KCNAB1: variants seen among roughly 807,000 people sequenced by gnomAD.
KCNAB1 encodes the protein potassium voltage-gated channel subfamily A regulatory beta subunit 1.
A neutral mutation model predicts 64.6 loss-of-function variants in KCNAB1; 35 were observed. That is an observed-to-expected ratio of 0.54 (90% CI 0.41 to 0.72). KCNAB1 has a LOEUF of 0.72. Ranked by LOEUF, KCNAB1 falls within the 30% of genes least tolerant of loss-of-function variation. The pLI is 0.00. For missense variants in KCNAB1, 401 were observed against 512.9 expected (o/e 0.78, Z 2.11); for synonymous variants, 177 against 183.8 (o/e 0.96, Z 0.30).
At chr3:156,145,085 C>T (rs533405723) in intron 1 of KCNAB1, among the ~76,000 whole-genome samples, 14 of 152,222 alleles carry the variant, frequency 9.2e-5, no homozygotes, top group South Asian at 2.1e-4. Context: ...AGGTTTTGGG[C>T]GACTCTTCAT....
At chr3:156,396,597 C>A (rs571851152) in intron 1 of KCNAB1, among the ~76,000 whole-genome samples, 4 of 152,156 alleles carry the variant, frequency 2.6e-5, no homozygotes, top group Non-Finnish European at 5.9e-5. Flanking sequence ...AATTACTGGA[C>A]CCAAAGAACA....
At chr3:156,134,772 CA>C (rs1239297039) in intron 1 of KCNAB1, among the ~76,000 whole-genome samples, 1 of 152,094 alleles carries the variant, frequency 6.6e-6, no homozygotes, top group Non-Finnish European at 1.5e-5. Flanking sequence ...ATTTCTCAGC[CA>C]AAGAAAACAT....
rs33915450 is a variant in KCNAB1, at chr3:156,248,469, A to AT, written c.275+127606dup. Among the ~76,000 whole-genome samples, 202 of 100,098 alleles carry AT rather than the reference A, an allele frequency of 2.0e-3. 2 individuals are homozygous for AT. The highest frequency in any genetic ancestry group is 0.02 in the South Asian group (52 of 2,660). 65.7% of individuals were successfully genotyped at this position (100,098 alleles called of 152,430 possible). On this transcript the variant is annotated intron_variant, in intron 1 of 13. Transcript: ENST00000490337. ...CATAGTTGTGGAGGCCTGTAATGAG[A>AT]TTTTTTTTTTTTTTTTTTTTTTTGG...
At chr3:156,421,787 C>T (rs532326253) in intron 2 of KCNAB1, 128 bp downstream of exon 2, 25 of 704,092 alleles carry the variant, frequency 3.6e-5, no homozygotes, top group African/African-American at 3.5e-4. Context: ...GCCAGTATTG[C>T]CCCACTTCTC....
At chr3:156,397,231 A>G (rs1713529561) in intron 1 of KCNAB1, among the ~76,000 whole-genome samples, 1 of 152,192 alleles carries the variant, frequency 6.6e-6, no homozygotes, top group Non-Finnish European at 1.5e-5. Context: ...GAACTTCTCT[A>G]TGATTCAGTG....
At chr3:156,381,881 G>T (rs1336775244) in intron 1 of KCNAB1, among the ~76,000 whole-genome samples, 1 of 152,176 alleles carries the variant, frequency 6.6e-6, no homozygotes, top group Non-Finnish European at 1.5e-5. Context: ...CATTAGCCTT[G>T]CACAGATGCT....
chr3:156,254,512 A>G (rs1008476155), intron 1 of KCNAB1, among the ~76,000 whole-genome samples: 2 of 152,234 alleles, frequency 1.3e-5, no homozygotes, highest in African/African-American at 4.8e-5. Flanking sequence ...CACTGCTCAG[A>G]CCAAGAGCAG....
In KCNAB1 at chr3:156,274,381, C is replaced by T. The variant is rs185002526; in HGVS notation, c.276-147235C>T. The stretch of plus-strand genomic sequence containing the variant: ...GGTTAAGAGAAATTACCTATGCTTT[C>T]TCAATTTTTCCATTAGGAACTTGTG... On this transcript the variant is annotated intron_variant, in intron 1 of 13. Transcript: ENST00000490337. 1.1e-3 allele frequency among the ~76,000 whole-genome samples: 164 copies of T among 152,294 alleles called. 1 individual carries two copies. The highest frequency in any genetic ancestry group is 0.01 in the Admixed American group (155 of 15,298).
At chr3:156,448,060 T>C (rs1195110745) in intron 2 of KCNAB1, among the ~76,000 whole-genome samples, 1 of 152,222 alleles carries the variant, frequency 6.6e-6, no homozygotes, top group African/African-American at 2.4e-5. Context: ...ATCCATCATT[T>C]TTCTGTGCTA....
intron 1 of KCNAB1, among the ~76,000 whole-genome samples, chr3:156,206,600 A>G (rs1024516091): frequency 1.3e-5 from 2 of 152,248 alleles, no homozygotes; most frequent in Admixed American, 1.3e-4. Flanking sequence ...AAAGTTAACT[A>G]ACTGAAACTG....
chr3:156,466,596 A>G (rs189779298), intron 7 of KCNAB1, among the ~76,000 whole-genome samples: 2 of 152,104 alleles, frequency 1.3e-5, no homozygotes, highest in Non-Finnish European at 2.9e-5. Context: ...AGTGACCTCT[A>G]AGGCTTTAAT....
intron 1 of KCNAB1, among the ~76,000 whole-genome samples, chr3:156,124,992 G>A (rs1480008982): frequency 6.6e-6 from 1 of 152,038 alleles, no homozygotes; most frequent in Non-Finnish European, 1.5e-5. Context: ...ACAAAAATTA[G>A]CTGGGTGTGG....
intron 2 of KCNAB1, among the ~76,000 whole-genome samples, chr3:156,424,371 A>T (rs922850048): frequency 1.3e-5 from 2 of 152,124 alleles, no homozygotes; most frequent in African/African-American, 4.8e-5. Context: ...CTGACTTGGG[A>T]GGTGAAGGCA....
At chr3:156,221,354 G>A (rs1005465807) in intron 1 of KCNAB1, among the ~76,000 whole-genome samples, 2 of 152,136 alleles carry the variant, frequency 1.3e-5, no homozygotes, top group Non-Finnish European at 2.9e-5. Context: ...AGAATCTTAA[G>A]AGCTGTGAGG....
intron 1 of KCNAB1, among the ~76,000 whole-genome samples, chr3:156,169,851 A>G (rs375620244): frequency 6.6e-6 from 1 of 152,238 alleles, no homozygotes; most frequent in East Asian, 1.9e-4. Flanking sequence ...TGAGTCAATT[A>G]AACCTCATTT....
At chr3:156,379,693 A>C (rs1712006640) in intron 1 of KCNAB1, among the ~76,000 whole-genome samples, 1 of 152,202 alleles carries the variant, frequency 6.6e-6, no homozygotes, top group Non-Finnish European at 1.5e-5. Flanking sequence ...AGGCCTTTGC[A>C]TGGAGGGAAA....
At chr3:156,515,342 T>C (rs1339017664) in intron 10 of KCNAB1, 122 bp downstream of exon 10, 5 of 856,652 alleles carry the variant, frequency 5.8e-6, no homozygotes, top group Non-Finnish European at 8.7e-6. Context: ...ACATAGACAT[T>C]GTAAGAACCA....
chr3:156,179,431 C>CCT (rs1560123127), intron 1 of KCNAB1, among the ~76,000 whole-genome samples: 1 of 130,866 alleles, frequency 7.6e-6, no homozygotes, highest in Non-Finnish European at 1.6e-5. Flanking sequence ...CCCCCCCACC[C>CCT]CCTCACCCCC....
intron 1 of KCNAB1, among the ~76,000 whole-genome samples, chr3:156,318,324 G>T (rs60726060): frequency 0.017 from 2,628 of 152,190 alleles, 84 homozygotes; most frequent in African/African-American, 0.06. Flanking sequence ...GGTCTCTGAG[G>T]GGTCATCACA....
Sources: gnomAD v4.1 joint callset for allele counts (sites outside exome capture counted in the v4.1 genomes callset) on GRCh38, gnomAD v4.1.1 for gene constraint, MANE v1.5 for transcripts, NCBI Gene and HGNC (gene_info 2026-07-23, HGNC 2026-07-21) for gene names.